Variants in RALY observed in about 807,000 individuals in gnomAD.
The protein encoded by RALY is RNA-binding protein Raly.
RALY carries 15 observed loss-of-function variants against 30.7 expected under a neutral mutation model. The ratio of observed to expected loss-of-function variants is 0.49; its 90% CI spans 0.33 to 0.75. The LOEUF (loss-of-function observed/expected upper bound fraction) is 0.75. Ranked by LOEUF, RALY falls within the 30% of genes least tolerant of loss-of-function variation. RALY has a pLI of 0.02. For missense variants in RALY, 339 were observed against 414.3 expected, an observed-to-expected ratio of 0.82 and a Z score of 1.58; for synonymous variants, 177 against 170.8, an observed-to-expected ratio of 1.04 and a Z score of -0.28.
At chr20:34,060,771 C>G (rs2033393006) in intron 2 of RALY, among the ~76,000 whole-genome samples, 1 of 152,222 alleles carries the variant, frequency 6.6e-6, no homozygotes, top group Non-Finnish European at 1.5e-5. Flanking sequence ...TCTCTGTATA[C>G]TGTGTCATAT....
intron 2 of RALY, among the ~76,000 whole-genome samples, chr20:34,070,544 A>G (rs1438780095): frequency 6.6e-6 from 1 of 152,230 alleles, no homozygotes; most frequent in Non-Finnish European, 1.5e-5. Context: ...TAAAAAATAA[A>G]TTTATTAAAA....
chr20:34,012,468 T>TCTTTTTCC (rs2031443746), intron 1 of RALY, among the ~76,000 whole-genome samples: 4 of 152,220 alleles, frequency 2.6e-5, no homozygotes, highest in Non-Finnish European at 1.5e-5. Flanking sequence ...TCTTTTTCCT[T>TCTTTTTCC]TCCTCCGCCT....
At chr20:34,075,213 GTGAT>G in intron 5 of RALY, among the ~76,000 whole-genome samples, 1 of 152,232 alleles carries the variant, frequency 6.6e-6, no homozygotes, top group African/African-American at 2.4e-5. Context: ...GAAGGATGTG[GTGAT>G]TAAGGAGGTC....
At chr20:34,061,345 A>G (rs1300766337) in intron 2 of RALY, among the ~76,000 whole-genome samples, 2 of 152,190 alleles carry the variant, frequency 1.3e-5, no homozygotes, top group Non-Finnish European at 2.9e-5. Flanking sequence ...AAAAAATTGG[A>G]TAGTTTTTTG....
At chr20:34,006,304 A>G (rs2031154362) in intron 1 of RALY, among the ~76,000 whole-genome samples, 1 of 152,216 alleles carries the variant, frequency 6.6e-6, no homozygotes. Flanking sequence ...CAGCTATCAT[A>G]TTTTGTCCTT....
intron 1 of RALY, among the ~76,000 whole-genome samples, chr20:34,008,102 C>G (rs2031243292): frequency 6.6e-6 from 1 of 152,180 alleles, no homozygotes; most frequent in African/African-American, 2.4e-5. Flanking sequence ...TTGCCTGGTA[C>G]CTTTTCCTAC....
At chr20:34,041,035 A>G (rs1459087050) in intron 2 of RALY, among the ~76,000 whole-genome samples, 1 of 152,230 alleles carries the variant, frequency 6.6e-6, no homozygotes, top group Admixed American at 6.5e-5. Context: ...CCTCAAACCA[A>G]CTTCTCTAGA....
intron 2 of RALY, among the ~76,000 whole-genome samples, chr20:34,057,263 A>G (rs1601484650): frequency 6.6e-6 from 1 of 152,202 alleles, no homozygotes; most frequent in Non-Finnish European, 1.5e-5. Context: ...GCTAACAGTT[A>G]TGTCCCATAG....
chr20:34,047,128 ATTCTTAATGTGTTT>A lies in RALY; in HGVS notation c.-10+15528_-10+15541del, dbSNP rs547630214. The stretch of plus-strand genomic sequence containing the variant: ...GCCACCATGCCTGGCCTTGACCTCT[ATTCTTAATGTGTTT>A]TTCACACTAGAGCCCTAAAATTCAA... On this transcript the variant is annotated intron_variant, in intron 2 of 9. Transcript: ENST00000246194. Among the ~76,000 whole-genome samples, 387 of 152,200 alleles carry A rather than the reference ATTCTTAATGTGTTT, an allele frequency of 2.5e-3. 3 individuals carry two copies. Among genetic ancestry groups the A allele is most frequent in the African/African-American group, 8.5e-3 (354 of 41,532 alleles).
At chr20:34,034,839 G>T (rs917920382) in intron 2 of RALY, among the ~76,000 whole-genome samples, 1 of 152,132 alleles carries the variant, frequency 6.6e-6, no homozygotes, top group Non-Finnish European at 1.5e-5. Flanking sequence ...TGAAAGGGGA[G>T]GGGTGAAAGA....
chr20:34,038,586 G>A (rs2032586210), intron 2 of RALY, among the ~76,000 whole-genome samples: 1 of 152,106 alleles, frequency 6.6e-6, no homozygotes. Context: ...AACGTAAACT[G>A]TCAAGAGTCA....
chr20:34,002,828 T>G (rs909121726), intron 1 of RALY, among the ~76,000 whole-genome samples: 1 of 152,210 alleles, frequency 6.6e-6, no homozygotes, highest in Non-Finnish European at 1.5e-5. Context: ...TCGCTTCTTA[T>G]GTAGAAATGA....
At position 34,081,167 on chromosome 20, in the gene RALY, T is replaced by G. The variant is rs1471476194; in HGVS notation, c.*1262T>G. 3.3e-5 allele frequency: 5 copies of G among 152,196 alleles called. No individual in the cohort carries two copies. The highest frequency in any genetic ancestry group is 1.2e-4 in the African/African-American group (5 of 41,450). The allele number at this position is 152,196 out of a possible 1,614,324, so 9.4% of individuals were successfully genotyped here. A position where few individuals can be genotyped will look rare whatever the true frequency, so the allele number is the denominator to read the frequency against. On this transcript the variant is annotated 3_prime_UTR_variant, in exon 10 of 10. Transcript: ENST00000246194. The stretch of plus-strand genomic sequence containing the variant: ...GAATCGACTGCCACTGTAATTTTTT[T>G]TCCTAATCACTCATAGGTTACAAGT...
At chr20:34,057,267 C>A (rs1333418726) in intron 2 of RALY, among the ~76,000 whole-genome samples, 1 of 152,110 alleles carries the variant, frequency 6.6e-6, no homozygotes, top group Non-Finnish European at 1.5e-5. Flanking sequence ...ACAGTTATGT[C>A]CCATAGAGGG....
At chr20:33,995,032 G>T (rs944605329) in intron 1 of RALY, among the ~76,000 whole-genome samples, 4 of 152,108 alleles carry the variant, frequency 2.6e-5, no homozygotes, top group African/African-American at 9.7e-5. Context: ...ATATTTCCTG[G>T]TGTGAGCATG....
intron 1 of RALY, among the ~76,000 whole-genome samples, chr20:34,022,238 C>T (rs143272538): frequency 0.012 from 1,811 of 151,958 alleles, 26 homozygotes; most frequent in Middle Eastern, 0.02. Flanking sequence ...CTGGACAAAG[C>T]TCTTATTCTC....
chr20:34,076,115 A>C, intron 6 of RALY, 75 bp downstream of exon 6: 1 of 1,498,312 alleles, frequency 6.7e-7, no homozygotes, highest in South Asian at 1.2e-5. Flanking sequence ...CATTTTTTAC[A>C]TTGGAACATA....
At chr20:34,043,346 G>GT (rs1472265458) in intron 2 of RALY, among the ~76,000 whole-genome samples, 3 of 152,168 alleles carry the variant, frequency 2.0e-5, no homozygotes, top group Non-Finnish European at 1.5e-5. Context: ...TCATTATGTG[G>GT]TTTTGTCTCT....
chr20:34,047,180 T>C (rs2032911483), intron 2 of RALY, among the ~76,000 whole-genome samples: 1 of 152,182 alleles, frequency 6.6e-6, no homozygotes, highest in Admixed American at 6.5e-5. Context: ...CTAGTTACAT[T>C]TGGAAACCTG....
Sources: gnomAD v4.1 joint callset for allele counts (sites outside exome capture counted in the v4.1 genomes callset) on GRCh38, gnomAD v4.1.1 for gene constraint, MANE v1.5 for transcripts, NCBI Gene and HGNC (gene_info 2026-07-23, HGNC 2026-07-21) for gene names.